OLFML1: variants seen among roughly 807,000 people sequenced by gnomAD.
OLFML1 encodes the protein olfactomedin-like protein 1.
In OLFML1, 33 loss-of-function variants were observed where a neutral mutation model predicts 37.3. The ratio of observed to expected loss-of-function variants is 0.88; its 90% confidence interval spans 0.67 to 1.18. OLFML1 has a LOEUF of 1.18. OLFML1 is among the 50% of genes most tolerant of loss of function. The probability of loss-of-function intolerance (pLI) is 0.00; values close to 1 mark genes in which losing one functional copy is unlikely to be tolerated. For synonymous variants in OLFML1, 186 were observed against 181.3 expected, an observed-to-expected ratio of 1.03 and a Z score of -0.21; for missense variants, 545 against 483.7, an observed-to-expected ratio of 1.13 and a Z score of -1.19.
chr11:7,501,261 C>T (rs1021857019), intron 2 of OLFML1, among the ~76,000 whole-genome samples: 26 of 152,338 alleles, frequency 1.7e-4, no homozygotes, highest in African/African-American at 6.3e-4. Context: ...TCCTACACTG[C>T]AGCCTATGGC....
At chr11:7,497,136 T>A (rs1415280828) in intron 2 of OLFML1, among the ~76,000 whole-genome samples, 1 of 152,200 alleles carries the variant, frequency 6.6e-6, no homozygotes, top group Admixed American at 6.5e-5. Context: ...CAGAAACCCT[T>A]TACAGTCATA....
intron 2 of OLFML1, among the ~76,000 whole-genome samples, chr11:7,494,346 T>C (rs564484373): frequency 4.6e-5 from 7 of 152,232 alleles, no homozygotes; most frequent in African/African-American, 1.4e-4. Flanking sequence ...CAATGGCAAT[T>C]AATATTACTG....
intron 2 of OLFML1, among the ~76,000 whole-genome samples, chr11:7,502,415 T>C (rs1318543785): frequency 6.6e-6 from 1 of 151,524 alleles, no homozygotes; most frequent in Non-Finnish European, 1.5e-5. Context: ...AGATCACTCA[T>C]ACCGCTTTAT....
chr11:7,510,375 A>C lies in OLFML1; in HGVS notation c.*187A>C. ...GGTATCTTCCAAGAGCTTAGATGAG[A>C]GCATATCATCAGGAAAGTTTCAACA... On this transcript the variant is annotated 3_prime_UTR_variant, in exon 3 of 3. Transcript: ENST00000329293. 1.8e-6 allele frequency: 1 copy of C among 570,262 alleles called. No individual in the cohort carries two copies. 35.3% of individuals were successfully genotyped at this position (570,262 alleles called of 1,614,324 possible).
At chr11:7,498,003 G>A (rs1050505468) in intron 2 of OLFML1, among the ~76,000 whole-genome samples, 1 of 152,164 alleles carries the variant, frequency 6.6e-6, no homozygotes, top group Non-Finnish European at 1.5e-5. Context: ...GGTTGACACA[G>A]TATGAATTGG....
chr11:7,507,447 C>T lies in OLFML1; in HGVS notation c.419-1951C>T, dbSNP rs538653639. 2.0e-5 allele frequency among the ~76,000 whole-genome samples: 3 copies of T among 152,196 alleles called. No individual in the cohort carries two copies. In the South Asian group the frequency reaches 6.2e-4, roughly 32 times the overall value. On this transcript the variant is annotated intron_variant, in intron 2 of 2. Transcript: ENST00000329293. ...AAAATCCAAATTTCTTAGCCTGGCC[C>T]TTAAGGTTCCAGGCATAGAGATGGC... is the stretch of plus-strand genomic sequence containing the variant.
chr11:7,510,499 T>C lies in OLFML1; in HGVS notation c.*311T>C, dbSNP rs141306345. On this transcript the variant is annotated 3_prime_UTR_variant, in exon 3 of 3. Transcript: ENST00000329293. ...TGTTTTACTGCTCCCCAGCATTTAC[T>C]GTAACTCTGCCATCTTCCCTCCCAC... 41 of 254,962 alleles carry C rather than the reference T, an allele frequency of 1.6e-4. No homozygotes were observed. The East Asian group carries it at 3.2e-3, about 20-fold the overall frequency. 15.8% of individuals were successfully genotyped at this position (254,962 alleles called of 1,614,324 possible). A position where few individuals can be genotyped will look rare whatever the true frequency, so the allele number is the denominator to read the frequency against.
rs1011500911 is a variant in OLFML1 at position 7,510,928 on chromosome 11, G to A, written c.*740G>A. ...TTGAATATCGCTTTCCAGGTGTGGA[G>A]TGTTTGCACATCATTTAATTCTCGT... On this transcript the variant is annotated 3_prime_UTR_variant, in exon 3 of 3. Transcript: ENST00000329293. 2.0e-5 allele frequency: 3 copies of A among 152,228 alleles called. No individual in the cohort carries two copies. Among genetic ancestry groups the A allele is most frequent in the Admixed American group, 1.3e-4 (2 of 15,286 alleles). 9.4% of individuals were successfully genotyped at this position (152,228 alleles called of 1,614,324 possible).
At chr11:7,498,622 T>C (rs542600014) in intron 2 of OLFML1, among the ~76,000 whole-genome samples, 5 of 152,342 alleles carry the variant, frequency 3.3e-5, no homozygotes, top group South Asian at 2.1e-4. Context: ...CTGATTAGTA[T>C]TGATAAATGT....
intron 2 of OLFML1, among the ~76,000 whole-genome samples, chr11:7,500,065 G>A (rs1848702988): frequency 6.6e-6 from 1 of 151,958 alleles, no homozygotes; most frequent in Non-Finnish European, 1.5e-5. Context: ...ACTAATTTTT[G>A]TATTTTTTGT....
chr11:7,507,509 T>C (rs994439966), intron 2 of OLFML1, among the ~76,000 whole-genome samples: 1 of 152,050 alleles, frequency 6.6e-6, no homozygotes, highest in Non-Finnish European at 1.5e-5. Flanking sequence ...ATAATACAGT[T>C]GCTAAGGTTG....
At position 7,501,911 on chromosome 11, in the gene OLFML1, G is replaced by A. The variant is rs1403214592; in HGVS notation, c.419-7487G>A. Among the ~76,000 whole-genome samples, 4 of 152,148 alleles carry A rather than the reference G, an allele frequency of 2.6e-5. No individual in the cohort carries two copies. In the South Asian group the frequency reaches 6.2e-4, roughly 24 times the overall value. On this transcript the variant is annotated intron_variant, in intron 2 of 2. Coordinates refer to ENST00000329293, the MANE Select transcript of OLFML1 (RefSeq NM_198474.4). Reference sequence around the variant, plus strand: ...ATTGGGACACAACACTATCCATGAAGTTGAAGGAGTAGAGACTAGAAGCCT... The same window carrying A: ...ATTGGGACACAACACTATCCATGAAATTGAAGGAGTAGAGACTAGAAGCCT...
chr11:7,507,202 C>T (rs1470024815), intron 2 of OLFML1, among the ~76,000 whole-genome samples: 1 of 152,184 alleles, frequency 6.6e-6, no homozygotes, highest in African/African-American at 2.4e-5. Flanking sequence ...AGCTAGAAAA[C>T]TGTAACTCCT....
Position 7,501,311 on chromosome 11 carries a change from G to A in OLFML1, c.419-8087G>A, listed in dbSNP as rs139375815. ...TATGGCAGGGGGTCCTTCTGTTAGC[G>A]GCTCCTGCAATGCATAAGGTTCCCT... On this transcript the variant is annotated intron_variant, in intron 2 of 2. Transcript: ENST00000329293. 3.7e-4 allele frequency among the ~76,000 whole-genome samples: 57 copies of A among 152,270 alleles called. No individual in the cohort carries two copies. In the East Asian group the frequency reaches 9.1e-3, roughly 24 times the overall value.
At chr11:7,506,576 C>T (rs182410675) in intron 2 of OLFML1, among the ~76,000 whole-genome samples, 164 of 152,134 alleles carry the variant, frequency 1.1e-3, no homozygotes, top group East Asian at 3.9e-4. Flanking sequence ...ACCATGAAGA[C>T]CAGTATGGTA....
chr11:7,496,668 A>G (rs1218689034), intron 2 of OLFML1, among the ~76,000 whole-genome samples: 3 of 152,166 alleles, frequency 2.0e-5, no homozygotes, highest in Non-Finnish European at 4.4e-5. Flanking sequence ...AGAAATTGAG[A>G]GCATTTCCAT....
intron 2 of OLFML1, among the ~76,000 whole-genome samples, chr11:7,500,288 T>C (rs527545823): frequency 2.0e-5 from 3 of 152,264 alleles, no homozygotes; most frequent in Non-Finnish European, 4.4e-5. Context: ...GCTGCAAGCC[T>C]GCTGGCTTTT....
intron 1 of OLFML1, 61 bp from the exon 2 acceptor site, chr11:7,488,066 T>C (rs1259501871): frequency 8.4e-7 from 1 of 1,193,968 alleles, no homozygotes; most frequent in African/African-American, 1.5e-5. Flanking sequence ...GATAGGTATT[T>C]ATATTATTTG....
intron 2 of OLFML1, among the ~76,000 whole-genome samples, chr11:7,502,394 T>C (rs1216271918): frequency 6.6e-6 from 1 of 152,222 alleles, no homozygotes; most frequent in African/African-American, 2.4e-5. Context: ...ACATAATTTA[T>C]GTTTTCAAAC....
Sources: allele counts gnomAD v4.1 joint callset (sites outside exome capture counted in the v4.1 genomes callset), GRCh38; gene constraint gnomAD v4.1.1; transcripts MANE v1.5; gene names NCBI Gene and HGNC (gene_info 2026-07-23, HGNC 2026-07-21).